Variants in MAPKAPK5 observed in about 807,000 individuals in gnomAD.
MAPKAPK5 encodes the protein MAPK activated protein kinase 5.
MAPKAPK5 carries 30 observed loss-of-function variants against 65.1 expected under a neutral mutation model. The ratio of observed to expected loss-of-function variants is 0.46; its 90% CI spans 0.34 to 0.63. The LOEUF is 0.63. MAPKAPK5 is among the 20% of genes least tolerant of loss of function. The pLI is 0.01. For synonymous variants in MAPKAPK5, 179 were observed against 204.6 expected (o/e 0.87, Z 1.07); for missense variants, 433 against 581.4 (o/e 0.74, Z 2.63).
At position 111,901,658 on chromosome 12, in the gene MAPKAPK5, AAAG is replaced by A. The variant is rs900130498; in HGVS notation, c.*8602_*8604del. 1.4e-4 allele frequency: 39 copies of A among 270,708 alleles called. No individual in the cohort carries two copies. Among genetic ancestry groups the A allele is most frequent in the Middle Eastern group, 7.2e-4 (1 of 1,388 alleles). 16.8% of individuals were successfully genotyped at this position (270,708 alleles called of 1,614,324 possible). A position where few individuals can be genotyped will look rare whatever the true frequency, so the allele number is the denominator to read the frequency against. ...AGAAAAAGAAGAGAAGGAGGAAGAA[AAAG>A]AAGAGGAGGAGGAGGAAGAAGAGGA... On this transcript the variant is annotated 3_prime_UTR_variant, in exon 14 of 14. Coordinates refer to ENST00000550735, the MANE Select transcript of MAPKAPK5 (RefSeq NM_003668.4).
In MAPKAPK5 at chr12:111,886,010, C is replaced by T. The variant is rs765846409; in HGVS notation, c.943C>T (p.Pro315Ser). 1.2e-6 allele frequency: 2 copies of T among 1,613,770 alleles called. No homozygotes were observed. The highest frequency in any genetic ancestry group is 1.3e-5 in the African/African-American group (1 of 74,872). The change falls in exon 10 of 14, where the codon CCT becomes TCT. Residue 315 changes from proline to serine, a missense_variant. Pro to Ser is a moderately conservative substitution (Grantham distance 74). Transcript: ENST00000550735. ...NSTEALDNVL[P>S]SAQLMMDKAV... ...CACCGAGGCCCTGGATAATGTGCTG[C>T]CTTCTGCTCAGCTGATGATGGACAA...
At position 111,858,181 on chromosome 12, in the gene MAPKAPK5, A is replaced by G. The variant is rs141592519; in HGVS notation, c.37-7069A>G. Among the ~76,000 whole-genome samples, 87 of 152,290 alleles carry G rather than the reference A, an allele frequency of 5.7e-4. No individual in the cohort carries two copies. In the East Asian group the frequency reaches 0.016, roughly 29 times the overall value. On this transcript the variant is annotated intron_variant, in intron 1 of 13. Coordinates refer to ENST00000550735, the MANE Select transcript of MAPKAPK5 (RefSeq NM_003668.4). ...CAGCCTCCCAAAGTGCTGGGATTAC[A>G]GGCGTGAGCAACTGCACCTGGTCTT...
chr12:111,888,753 A>C (rs954767325), intron 11 of MAPKAPK5, 132 bp from the exon 12 acceptor site: 1 of 1,506,630 alleles, frequency 6.6e-7, no homozygotes, highest in Non-Finnish European at 8.9e-7. Flanking sequence ...AAGTTCTTTA[A>C]ATAGTATCAG....
At chr12:111,878,587 T>G (rs955488841) in intron 7 of MAPKAPK5, among the ~76,000 whole-genome samples, 1 of 151,800 alleles carries the variant, frequency 6.6e-6, no homozygotes, top group African/African-American at 2.4e-5. Flanking sequence ...GCCCGGATAA[T>G]TTTTTGTATT....
rs1465392391 is a variant in MAPKAPK5, at chr12:111,900,339, T to C, written c.*7278T>C. ...ATCCTTCCATCATGAAGATGTGCTG[T>C]TGTTTGCAGCCCTGATGGCCCATGA... On this transcript the variant is annotated 3_prime_UTR_variant, in exon 14 of 14. Transcript: ENST00000550735. The C allele has an allele frequency of 1.3e-5, 6 of 456,116 alleles. No individual in the cohort carries two copies. The highest frequency in any genetic ancestry group is 2.2e-5 in the Non-Finnish European group (5 of 226,798). 28.3% of individuals were successfully genotyped at this position (456,116 alleles called of 1,614,324 possible).
intron 1 of MAPKAPK5, among the ~76,000 whole-genome samples, chr12:111,845,892 C>T (rs1566217274): frequency 6.6e-6 from 1 of 152,154 alleles, no homozygotes; most frequent in Admixed American, 6.5e-5. Flanking sequence ...CACTGCACTC[C>T]AGCCTGGGCG....
intron 7 of MAPKAPK5, among the ~76,000 whole-genome samples, chr12:111,872,778 G>GTC (rs1277044017): frequency 6.6e-6 from 1 of 152,070 alleles, no homozygotes; most frequent in African/African-American, 2.4e-5. Flanking sequence ...TCCAATGAGT[G>GTC]TCTCTCTCTA....
intron 7 of MAPKAPK5, among the ~76,000 whole-genome samples, chr12:111,874,773 C>CTT (rs34005167): frequency 9.3e-6 from 1 of 107,690 alleles, no homozygotes; most frequent in African/African-American, 3.7e-5. Flanking sequence ...ATACTAGTGA[C>CTT]TTTTTTTTTT....
chr12:111,873,162 C>T (rs2069839056), intron 7 of MAPKAPK5, among the ~76,000 whole-genome samples: 2 of 151,920 alleles, frequency 1.3e-5, no homozygotes, highest in Admixed American at 1.3e-4. Flanking sequence ...TTAGCTTTTA[C>T]ATTTGGGTCT....
Position 111,883,999 on chromosome 12 carries a change from A to G in MAPKAPK5, c.848+231A>G, listed in dbSNP as rs1405191938. Among the ~76,000 whole-genome samples the G allele has an allele frequency of 1.3e-5, 2 of 152,128 alleles. No homozygotes were observed. The highest frequency in any genetic ancestry group is 2.9e-5 in the Non-Finnish European group (2 of 68,010). ...CCTAGACTTTGTCCCCAGGGTGTGAACCCAGGTCCCTCCATAGGCAGTCTC... is the reference window on the plus strand; with the variant it reads ...CCTAGACTTTGTCCCCAGGGTGTGAGCCCAGGTCCCTCCATAGGCAGTCTC... On this transcript the variant is annotated intron_variant, in intron 9 of 13. Transcript: ENST00000550735. This position sits in a 1 kb window ranked among gnomAD's most constrained non-coding sequence, Gnocchi z 4.8.
chr12:111,850,185 T>C (rs2069031463), intron 1 of MAPKAPK5, among the ~76,000 whole-genome samples: 1 of 152,108 alleles, frequency 6.6e-6, no homozygotes, highest in African/African-American at 2.4e-5. Context: ...GGTGCCACCA[T>C]GCCCGCCTAA....
rs147001518 is a variant in MAPKAPK5 at position 111,885,548 on chromosome 12, C to T, written c.849-368C>T. ...TGCAGCCACTATCAGCCAAAAAGAGCACTCTGAGTTCCTTTTGGAAGTTAA... is the reference window on the plus strand; with the variant it reads ...TGCAGCCACTATCAGCCAAAAAGAGTACTCTGAGTTCCTTTTGGAAGTTAA... On this transcript the variant is annotated intron_variant, in intron 9 of 13. Transcript: ENST00000550735. 731 of 171,750 alleles carry T rather than the reference C, an allele frequency of 4.3e-3. 7 individuals are homozygous for T. The highest frequency in any genetic ancestry group is 0.016 in the African/African-American group (661 of 42,204). 10.6% of individuals were successfully genotyped at this position (171,750 alleles called of 1,614,324 possible).
intron 1 of MAPKAPK5, among the ~76,000 whole-genome samples, chr12:111,845,494 C>T (rs1313683414): frequency 2.6e-5 from 4 of 152,138 alleles, no homozygotes; most frequent in African/African-American, 9.7e-5. Context: ...CTGAGTACGA[C>T]ATCACTTCAC....
intron 2 of MAPKAPK5, 66 bp from the exon 3 acceptor site, chr12:111,866,090 G>T: frequency 3.1e-6 from 4 of 1,274,680 alleles, no homozygotes; most frequent in Non-Finnish European, 4.4e-6. Flanking sequence ...CAAAGAAAAA[G>T]CTTGTTAAAT....
chr12:111,897,756 A>G lies in MAPKAPK5; in HGVS notation c.*4695A>G, dbSNP rs546440736. On this transcript the variant is annotated 3_prime_UTR_variant, in exon 14 of 14. Transcript: ENST00000550735. ...ATCTGTATTAGGAATTAAATATTTA[A>G]TAGGAATAGTGAATAAATTGATCTG... The G allele has an allele frequency of 6.6e-6, 1 of 152,302 alleles. No individual in the cohort carries two copies. The highest frequency in any genetic ancestry group is 6.5e-5 in the Admixed American group (1 of 15,290). 9.4% of individuals were successfully genotyped at this position (152,302 alleles called of 1,614,324 possible).
chr12:111,883,522 G>A lies in MAPKAPK5; in HGVS notation c.661-59G>A. 1 of 1,470,692 alleles carries A rather than the reference G, an allele frequency of 6.8e-7. No individual in the cohort carries two copies. The highest frequency in any genetic ancestry group is 9.4e-7 in the Non-Finnish European group (1 of 1,062,672). 91.1% of individuals were successfully genotyped at this position (1,470,692 alleles called of 1,614,324 possible). A position where few individuals can be genotyped will look rare whatever the true frequency, so the allele number is the denominator to read the frequency against. ...GGGGCTATTCCTGAGCCTGTCATGG[G>A]GTGTTTATTTGGGGGCTCTGCTTCT... On this transcript the variant is annotated intron_variant, in intron 8 of 13. Transcript: ENST00000550735. This position sits in a 1 kb window ranked among gnomAD's most constrained non-coding sequence, Gnocchi z 4.8.
At chr12:111,867,940 T>A (rs943136325) in intron 4 of MAPKAPK5, among the ~76,000 whole-genome samples, 2 of 152,238 alleles carry the variant, frequency 1.3e-5, no homozygotes, top group African/African-American at 4.8e-5. Flanking sequence ...ATTTCATCTA[T>A]GCCCCTACCA....
Position 111,866,664 on chromosome 12 carries a change from C to T in MAPKAPK5, c.186+433C>T, listed in dbSNP as rs1030760627. 2.0e-5 allele frequency among the ~76,000 whole-genome samples: 3 copies of T among 152,126 alleles called. No individual in the cohort carries two copies. The East Asian group carries it at 5.8e-4, about 29-fold the overall frequency. On this transcript the variant is annotated intron_variant, in intron 3 of 13. Transcript: ENST00000550735. ...CACTCTTGTTGCCCAGGCTGGAGTGCGATGGCGCAATCTCGGCTTACGGCA... is the reference window on the plus strand; with the variant it reads ...CACTCTTGTTGCCCAGGCTGGAGTGTGATGGCGCAATCTCGGCTTACGGCA...
intron 1 of MAPKAPK5, among the ~76,000 whole-genome samples, chr12:111,861,006 A>G (rs2069418722): frequency 6.6e-6 from 1 of 151,664 alleles, no homozygotes; most frequent in East Asian, 2.0e-4. Context: ...TAAAAGTACA[A>G]AAATTAGCTG....
Sources: gnomAD v4.1 joint callset for allele counts (sites outside exome capture counted in the v4.1 genomes callset) on GRCh38, gnomAD v4.1.1 for gene constraint, Gnocchi (gnomAD v3.1) non-coding constraint, MANE v1.5 for transcripts, NCBI Gene and HGNC (gene_info 2026-07-23, HGNC 2026-07-21) for gene names.